SEMA4C: variants seen among roughly 807,000 people sequenced by gnomAD.
SEMA4C encodes the protein semaphorin 4C.
SEMA4C carries 19 observed loss-of-function variants against 89.0 expected under a neutral mutation model. That is an observed-to-expected ratio of 0.21 (90% CI 0.15 to 0.31). The LOEUF (loss-of-function observed/expected upper bound fraction) is 0.31. SEMA4C is among the 10% of genes least tolerant of loss of function. The probability of loss-of-function intolerance (pLI) is 1.00; values close to 1 mark genes in which losing one functional copy is unlikely to be tolerated. For synonymous variants in SEMA4C, 428 were observed against 472.7 expected (o/e 0.91, Z 1.23); for missense variants, 811 against 1,107.0 (o/e 0.73, Z 3.79).
intron 1 of SEMA4C, chr2:96,869,556 TG>T (rs2080161426): frequency 1.0e-6 from 1 of 984,702 alleles, no homozygotes; most frequent in Admixed American, 6.2e-5. Context: ...CCATCGGGGG[TG>T]GGAGCGCCGA....
In SEMA4C at chr2:96,866,366, T is replaced by A. The variant is rs745308767; in HGVS notation, c.175A>T (p.Thr59Ser). The part of the protein sequence containing the change: ...GIQDFLTLTL[T>S]EPTGLLYVGA... ...ACGTACAGAAGCCCAGTGGGCTCCGTCAGCGTCAGTGTCAGGAAGTCCTGG... is the reference window on the plus strand; with the variant it reads ...ACGTACAGAAGCCCAGTGGGCTCCGACAGCGTCAGTGTCAGGAAGTCCTGG... Residue 59 changes from threonine to serine, a missense_variant, in exon 3 of 15, where the codon ACG becomes TCG. Coordinates refer to ENST00000305476, the MANE Select transcript of SEMA4C (RefSeq NM_017789.5). 1.9e-6 allele frequency: 3 copies of A among 1,613,910 alleles called. No individual in the cohort carries two copies. Among genetic ancestry groups the A allele is most frequent in the Non-Finnish European group, 2.5e-6 (3 of 1,180,008 alleles).
chr2:96,869,125 A>T (rs1168940137), intron 1 of SEMA4C: 2 of 985,028 alleles, frequency 2.0e-6, no homozygotes. Context: ...GGCGCGGGAG[A>T]GCGGGGGCTG....
chr2:96,865,280 G>T lies in SEMA4C; in HGVS notation c.558C>A (p.Gly186=). ...TGTTACGCAGGATAATGGGTTCCGT[G>T]CCCAGGAAGTTGTTGAGTGTGGCCG... ...LYSATLNNFL[G]TEPIILRNMG... is the part of the protein sequence containing the mutation. The change falls in exon 7 of 15, where the codon GGC becomes GGA. Residue 186 remains glycine, a synonymous_variant. Transcript: ENST00000305476. 10 of 1,614,212 alleles carry T rather than the reference G, an allele frequency of 6.2e-6. No individual in the cohort carries two copies. Among genetic ancestry groups the T allele is most frequent in the Non-Finnish European group, 8.5e-6 (10 of 1,180,020 alleles).
At position 96,861,676 on chromosome 2, in the gene SEMA4C, CA is replaced by C; in HGVS notation, c.1602-28del. On this transcript the variant is annotated intron_variant, in intron 13 of 14. Transcript: ENST00000305476. This position sits in a 1 kb window ranked among gnomAD's most constrained non-coding sequence, Gnocchi z 7.8. ...TGGTAGGGGATGTAGGGTACATCAG[CA>C]GCCTGGCTCCAACCACCCTGAGTCC... 1 of 1,592,912 alleles carries C rather than the reference CA, an allele frequency of 6.3e-7. No individual in the cohort carries two copies. The highest frequency in any genetic ancestry group is 1.1e-5 in the South Asian group (1 of 88,442).
chr2:96,867,868 C>G lies in SEMA4C; in HGVS notation c.19G>C (p.Val7Leu), dbSNP rs1292751196. ...CACAGCCTTGCTGCCAGCAGCCAGA[C>G]AGCCCAGTGTGGGGCCATGGCGCAC... MAPHWAVWLLAARLWGL... is the reference protein window; with the variant it reads MAPHWALWLLAARLWGL... The change falls in exon 2 of 15, where the codon GTC (valine) becomes CTC (leucine). Residue 7 changes from valine (V) to leucine (L), a missense_variant. This residue lies in a region of SEMA4C where 119 missense variants were observed against 152.7 expected (regional missense o/e 0.78). Transcript: ENST00000305476. The G allele has an allele frequency of 6.2e-7, 1 of 1,613,644 alleles. No homozygotes were observed. Among genetic ancestry groups the G allele is most frequent in the East Asian group, 2.2e-5 (1 of 44,882 alleles).
rs761538028 is a variant in SEMA4C at position 96,860,980 on chromosome 2, G to A, written c.2148C>T (p.Thr716=). The A allele has an allele frequency of 6.2e-7, 1 of 1,612,980 alleles. No individual in the cohort carries two copies. The highest frequency in any genetic ancestry group is 1.1e-5 in the South Asian group (1 of 91,084). The change falls in exon 15 of 15, where the codon ACC becomes ACT. Residue 716 remains threonine (T), a synonymous_variant. Transcript: ENST00000305476. ...VYPLELPKEP[T]SPPFRPCPEP... ...CAGGACAGGGCCGGAAGGGGGGACT[G>A]GTGGGCTCCTTGGGCAGCTCCAGGG...
chr2:96,863,467 A>C, intron 12 of SEMA4C: 1 of 1,332,054 alleles, frequency 7.5e-7, no homozygotes, highest in Non-Finnish European at 9.7e-7. Flanking sequence ...TGACCTGGCT[A>C]TATATAATGG....
At position 96,865,647 on chromosome 2, in the gene SEMA4C, G is replaced by A. The variant is rs1376565377; in HGVS notation, c.420+19C>T. The A allele has an allele frequency of 3.1e-6, 5 of 1,611,756 alleles. No individual in the cohort carries two copies. Among genetic ancestry groups the A allele is most frequent in the Middle Eastern group, 1.7e-4 (1 of 6,060 alleles). ...AGGGCGGGGGGCTGGGGACACCGAG[G>A]TAGGAGGGCAGCACTCACGACGTAG... On this transcript the variant is annotated intron_variant, in intron 5 of 14. Coordinates refer to ENST00000305476, the MANE Select transcript of SEMA4C (RefSeq NM_017789.5).
intron 2 of SEMA4C, among the ~76,000 whole-genome samples, chr2:96,867,231 C>G (rs951742512): frequency 6.6e-6 from 1 of 152,210 alleles, no homozygotes; most frequent in South Asian, 2.1e-4. Context: ...CCGAGTGGAG[C>G]CTGTGGGAGG....
At position 96,861,272 on chromosome 2, in the gene SEMA4C, G is replaced by A. The variant is rs1254143857; in HGVS notation, c.1856C>T (p.Pro619Leu). 6.2e-7 allele frequency: 1 copy of A among 1,607,826 alleles called. No individual in the cohort carries two copies. The highest frequency in any genetic ancestry group is 1.7e-5 in the Admixed American group (1 of 59,994). The change falls in exon 15 of 15, where the codon CCC becomes CTC. Residue 619 changes from proline (P) to leucine (L), a missense_variant. Around this residue, in one of 4 missense-constraint regions of SEMA4C, gnomAD observed 441 missense variants for 664.9 expected, o/e 0.66. Coordinates refer to ENST00000305476, the MANE Select transcript of SEMA4C (RefSeq NM_017789.5). This position sits in a 1 kb window ranked among gnomAD's most constrained non-coding sequence, Gnocchi z 7.8. ...GCAGTGGTAGGCCCCGGCATGGCGG[G>A]GCTGGGCAGCCATCACAACCAGGGC... ...LQALVVMAAQ[P>L]RHAGAYHCFS...
intron 2 of SEMA4C, 51 bp from the exon 3 acceptor site, chr2:96,866,482 G>T (rs1386760504): frequency 6.2e-7 from 1 of 1,612,482 alleles, no homozygotes; most frequent in East Asian, 2.2e-5. Context: ...GGGCTCGACA[G>T]CCCTCAGTCT....
intron 1 of SEMA4C, chr2:96,869,398 C>A: frequency 4.1e-6 from 4 of 982,920 alleles, no homozygotes; most frequent in Non-Finnish European, 4.8e-6. Flanking sequence ...AGCGCTCCAG[C>A]CGGGGACGGC....
At chr2:96,863,351 G>A in intron 12 of SEMA4C, 4 of 1,094,416 alleles carry the variant, frequency 3.7e-6, no homozygotes, top group Non-Finnish European at 4.5e-6. Context: ...TGGTCACAGG[G>A]GCATGGTCAG....
rs772927998 is a variant in SEMA4C, at chr2:96,860,716, G to T, written c.2412C>A (p.His804Gln). 17 of 1,613,646 alleles carry T rather than the reference G, an allele frequency of 1.1e-5. No individual in the cohort carries two copies. The African/African-American group carries it at 2.0e-4, about 19-fold the overall frequency. The change falls in exon 15 of 15, where the codon CAC becomes CAA. Residue 804 changes from histidine (H) to glutamine (Q), a missense_variant. Around this residue, in one of 4 missense-constraint regions of SEMA4C, gnomAD observed 248 missense variants for 269.0 expected, o/e 0.92. Transcript: ENST00000305476. ...GTTCATCCGCGAGCTCAGGCAGGGG[G>T]TGCCCGAGCCCTCCCCGGTCCTCCC... is the stretch of plus-strand genomic sequence containing the variant. ...LGGEDRGGLG[H>Q]PLPELADELR...
At chr2:96,870,221 G>C (rs1489324389), upstream of SEMA4C, 10 of 984,738 alleles carry the variant, frequency 1.0e-5, no homozygotes, top group Non-Finnish European at 1.2e-5. Context: ...CTCTCCGCCC[G>C]GGGGCTCGGA....
intron 1 of SEMA4C, chr2:96,869,325 G>A: frequency 1.0e-6 from 1 of 985,346 alleles, no homozygotes; most frequent in Non-Finnish European, 1.2e-6. Context: ...TCCAGGCGGG[G>A]CACCCCACAC....
chr2:96,866,549 T>C (rs1373149711), intron 2 of SEMA4C, 118 bp from the exon 3 acceptor site: 34 of 1,403,282 alleles, frequency 2.4e-5, no homozygotes, highest in African/African-American at 4.3e-5. Context: ...AACCCCCTGA[T>C]TGGCAATAAA....
intron 11 of SEMA4C, 41 bp from the exon 12 acceptor site, chr2:96,863,835 A>C (rs1559033079): frequency 6.2e-7 from 1 of 1,606,936 alleles, no homozygotes; most frequent in South Asian, 1.1e-5. Context: ...AGAGGGCACA[A>C]GGCCGTGGGG....
At chr2:96,862,081 A>C in intron 12 of SEMA4C, 187 bp from the exon 13 acceptor site, 1 of 639,764 alleles carries the variant, frequency 1.6e-6, no homozygotes, top group Non-Finnish European at 2.7e-6. Context: ...AGAACCGCAG[A>C]ACTCAGAGGG....
Sources: gnomAD v4.1 joint callset for allele counts (sites outside exome capture counted in the v4.1 genomes callset) on GRCh38, gnomAD v4.1.1 for gene constraint, gnomAD v4.1.1 regional missense constraint, Gnocchi (gnomAD v3.1) non-coding constraint, MANE v1.5 for transcripts, NCBI Gene and HGNC (gene_info 2026-07-23, HGNC 2026-07-21) for gene names.